KCND2: variants seen among roughly 807,000 people sequenced by gnomAD.
KCND2 encodes the protein potassium voltage-gated channel subfamily D member 2.
Under a neutral mutation model 54.4 loss-of-function variants are expected in KCND2, and 16 were observed. The observed-to-expected ratio is 0.29, with a 90% CI of 0.20 to 0.45. KCND2 has a LOEUF of 0.45. KCND2 is among the 20% of genes least tolerant of loss of function. KCND2 has a pLI of 1.00. For synonymous variants in KCND2, 317 were observed against 310.7 expected (o/e 1.02, Z -0.21); for missense variants, 486 against 824.2 (o/e 0.59, Z 5.02).
intron 1 of KCND2, among the ~76,000 whole-genome samples, chr7:120,361,102 A>T (rs1800587081): frequency 6.6e-6 from 1 of 151,868 alleles, no homozygotes; most frequent in Non-Finnish European, 1.5e-5. Flanking sequence ...AAGGGTGGTG[A>T]TTTTTACAAA....
intron 1 of KCND2, among the ~76,000 whole-genome samples, chr7:120,701,439 G>T (rs964653191): frequency 2.0e-5 from 3 of 152,026 alleles, no homozygotes; most frequent in Non-Finnish European, 4.4e-5. Flanking sequence ...TGGAAATTAG[G>T]ATAGCCAAGT....
intron 1 of KCND2, among the ~76,000 whole-genome samples, chr7:120,418,541 G>T (rs913259922): frequency 2.0e-5 from 3 of 152,084 alleles, no homozygotes; most frequent in African/African-American, 7.2e-5. Flanking sequence ...GGCAGGGGTT[G>T]GTTTTTAGAA....
chr7:120,505,970 TTTTA>T (rs148360997), intron 1 of KCND2, among the ~76,000 whole-genome samples: 4,193 of 151,838 alleles, frequency 0.028, 88 homozygotes, highest in Non-Finnish European at 0.046. Context: ...AATTTAATGT[TTTTA>T]TTATTTTGTA....
At chr7:120,671,385 C>T (rs1254799730) in intron 1 of KCND2, among the ~76,000 whole-genome samples, 2 of 152,034 alleles carry the variant, frequency 1.3e-5, no homozygotes, top group African/African-American at 4.8e-5. Flanking sequence ...TGCTCATACG[C>T]CCGCTGCTCC....
At chr7:120,358,808 A>G (rs1466224157) in intron 1 of KCND2, among the ~76,000 whole-genome samples, 1 of 152,198 alleles carries the variant, frequency 6.6e-6, no homozygotes, top group Non-Finnish European at 1.5e-5. Flanking sequence ...AAAGTATTTG[A>G]TAATATGCTA....
At chr7:120,289,075 CACAG>C (rs1459232620) in intron 1 of KCND2, among the ~76,000 whole-genome samples, 236 of 23,126 alleles carry the variant, frequency 0.01, 1 homozygote, top group Admixed American at 0.023. Context: ...CACACACACA[CACAG>C]AGAGAGAGAG....
intron 1 of KCND2, among the ~76,000 whole-genome samples, chr7:120,443,629 C>A (rs945883679): frequency 2.0e-5 from 3 of 151,948 alleles, no homozygotes; most frequent in Admixed American, 2.0e-4. Flanking sequence ...TCTGATCATG[C>A]CATTCCTCAA....
chr7:120,425,335 A>G (rs186558508), intron 1 of KCND2, among the ~76,000 whole-genome samples: 4 of 152,356 alleles, frequency 2.6e-5, no homozygotes, highest in Non-Finnish European at 5.9e-5. Flanking sequence ...ATGCACATGC[A>G]CATGCAAACA....
rs138983969 is a variant in KCND2 at position 120,559,300 on chromosome 7, C to T, written c.1116-173603C>T. On this transcript the variant is annotated intron_variant, in intron 1 of 5. Coordinates refer to ENST00000331113, the MANE Select transcript of KCND2 (RefSeq NM_012281.3). ...ACCATTGATAATAGATAGAATTAGC[C>T]GAGTGTGTTGTATTTGCCAGGCATT... 8.5e-5 allele frequency among the ~76,000 whole-genome samples: 13 copies of T among 152,252 alleles called. No individual in the cohort carries two copies. In the East Asian group the frequency reaches 2.1e-3, roughly 25 times the overall value.
At chr7:120,297,099 G>A (rs1799522345) in intron 1 of KCND2, among the ~76,000 whole-genome samples, 1 of 151,782 alleles carries the variant, frequency 6.6e-6, no homozygotes. Context: ...ATGAAATCTG[G>A]GCACTTATAT....
Position 120,722,918 on chromosome 7 carries a change from A to C in KCND2, c.1116-9985A>C, listed in dbSNP as rs563751674. 7.9e-4 allele frequency among the ~76,000 whole-genome samples: 121 copies of C among 152,244 alleles called. 4 individuals carry two copies. In the South Asian group the frequency reaches 0.024, roughly 31 times the overall value. On this transcript the variant is annotated intron_variant, in intron 1 of 5. Transcript: ENST00000331113. ...AATGAACAGTTCCAGGGGTGTCAGC[A>C]AGTGAGAGTGGTGGCTGGTTATAAG...
intron 1 of KCND2, among the ~76,000 whole-genome samples, chr7:120,705,039 G>A (rs964536179): frequency 2.0e-5 from 3 of 151,964 alleles, no homozygotes; most frequent in Non-Finnish European, 4.4e-5. Context: ...TTCTCTTTTG[G>A]AATAAAAAAT....
At chr7:120,536,589 A>G (rs562959508) in intron 1 of KCND2, among the ~76,000 whole-genome samples, 1 of 152,282 alleles carries the variant, frequency 6.6e-6, no homozygotes, top group East Asian at 1.9e-4. Flanking sequence ...CTTTGTTGTC[A>G]TTGCAACAAT....
At chr7:120,664,996 G>T (rs1173427252) in intron 1 of KCND2, among the ~76,000 whole-genome samples, 1 of 151,848 alleles carries the variant, frequency 6.6e-6, no homozygotes, top group Non-Finnish European at 1.5e-5. Flanking sequence ...ATTTGTTCTG[G>T]CTTATTGCTT....
At chr7:120,436,676 T>C (rs1801870593) in intron 1 of KCND2, among the ~76,000 whole-genome samples, 1 of 152,172 alleles carries the variant, frequency 6.6e-6, no homozygotes, top group South Asian at 2.1e-4. Flanking sequence ...CAGCCACCCC[T>C]GCTGGCACCC....
chr7:120,658,368 A>G (rs111292039), intron 1 of KCND2, among the ~76,000 whole-genome samples: 122 of 152,306 alleles, frequency 8.0e-4, no homozygotes, highest in African/African-American at 2.8e-3. Context: ...TCGTTATTTC[A>G]TTGTTTTAAT....
intron 1 of KCND2, among the ~76,000 whole-genome samples, chr7:120,322,922 A>G (rs1237521066): frequency 6.6e-6 from 1 of 152,138 alleles, no homozygotes; most frequent in East Asian, 1.9e-4. Context: ...TGAATGCTTT[A>G]ATTATAATTT....
intron 1 of KCND2, among the ~76,000 whole-genome samples, chr7:120,559,799 A>G (rs550512497): frequency 2.6e-5 from 4 of 152,330 alleles, no homozygotes; most frequent in East Asian, 1.9e-4. Context: ...AACATGATAC[A>G]TAAGTCTTCT....
Position 120,622,689 on chromosome 7 carries a change from ACTCTCTCTCT to A in KCND2, c.1116-110196_1116-110187del, listed in dbSNP as rs751909741. Among the ~76,000 whole-genome samples the A allele has an allele frequency of 3.2e-4, 40 of 126,004 alleles. 1 individual carries two copies. In the East Asian group the frequency reaches 6.3e-3, roughly 20 times the overall value. The allele number at this position is 126,004 out of a possible 152,430, so 82.7% of individuals were successfully genotyped here. ...TACACACACACACACACACACACAC[ACTCTCTCTCT>A]CTCTCTCTCTCTCTCTCACACACAC... On this transcript the variant is annotated intron_variant, in intron 1 of 5. Coordinates refer to ENST00000331113, the MANE Select transcript of KCND2 (RefSeq NM_012281.3).
Sources: gnomAD v4.1 joint callset for allele counts (sites outside exome capture counted in the v4.1 genomes callset) on GRCh38, gnomAD v4.1.1 for gene constraint, MANE v1.5 for transcripts, NCBI Gene and HGNC (gene_info 2026-07-23, HGNC 2026-07-21) for gene names.